Variants in ATRX observed in about 807,000 individuals in gnomAD.
ATRX encodes chromatin remodeler ATRX.
In ATRX, 12 loss-of-function variants were observed where a neutral mutation model predicts 172.6. That is an observed-to-expected ratio of 0.07 (90% confidence interval 0.04 to 0.11). The LOEUF (loss-of-function observed/expected upper bound fraction) is 0.11, where lower values mean the gene tolerates loss of function less well. Among genes scored for constraint, ATRX ranks in the 10% least tolerant of loss-of-function variants. The pLI is 1.00. For missense variants in ATRX, 1,368 were observed against 1,767.4 expected, an observed-to-expected ratio of 0.77 and a Z score of 4.05; for synonymous variants, 674 against 594.7, an observed-to-expected ratio of 1.13 and a Z score of -1.94.
rs372742045 is a variant in ATRX at position 77,520,773 on chromosome X, C to T, written c.7200+15G>A. On this transcript the variant is annotated intron_variant, in intron 34 of 34. Transcript: ENST00000373344. ...TAAACATAACCTAGAAATAGTCAGA[C>T]GTCAGAATTCTTACCATCTGTTGTT... The T allele has an allele frequency of 5.3e-5, 64 of 1,203,254 alleles. No homozygotes were observed. The South Asian group carries it at 9.7e-4, about 18-fold the overall frequency.
In ATRX at chrX:77,663,409, C is replaced by T. The variant is rs2148487416; in HGVS notation, c.4093G>A (p.Glu1365Lys). The change falls in exon 12 of 35, where the codon GAA (glutamate) becomes AAA (lysine). Residue 1365 changes from glutamate to lysine, a missense_variant. Glu to Lys is a moderately conservative substitution (Grantham distance 56). Coordinates refer to ENST00000373344, the MANE Select transcript of ATRX (RefSeq NM_000489.6). Reference protein sequence around the residue: ...EKKTKPKEHKEVKGRNRRKVS... With the variant: ...EKKTKPKEHKKVKGRNRRKVS... ...TTTCTTCTGTTTCTGCCTTTGACTT[C>T]TTTATGCTCTTTAGGCTTTGTCTTT... 8.3e-7 allele frequency: 1 copy of T among 1,211,454 alleles called. No homozygotes were observed. Among genetic ancestry groups the T allele is most frequent in the Non-Finnish European group, 1.1e-6 (1 of 895,378 alleles).
chrX:77,740,834 G>C (rs781894177), intron 1 of ATRX, among the ~76,000 whole-genome samples: 1 of 110,814 alleles, frequency 9.0e-6, no homozygotes, highest in East Asian at 2.8e-4. Context: ...AAAGAAACTA[G>C]GCCAGGCACA....
chrX:77,590,873 G>C (rs1037741536), intron 26 of ATRX, among the ~76,000 whole-genome samples: 29 of 111,880 alleles, frequency 2.6e-4, no homozygotes, highest in Non-Finnish European at 5.3e-4. Context: ...ATGACACAAA[G>C]TATCATTGTT....
rs191240054 is a variant in ATRX, at chrX:77,571,640, T to C, written c.6326+2610A>G. On this transcript the variant is annotated intron_variant, in intron 28 of 34. Transcript: ENST00000373344. ...TTTGTGGTGATGGAATATTTCTGTA[T>C]CTTGATTGTGTATATGTGGAAAAAA... Among the ~76,000 whole-genome samples, 5 of 111,585 alleles carry C rather than the reference T, an allele frequency of 4.5e-5. No individual in the cohort carries two copies. The East Asian group carries it at 1.4e-3, about 31-fold the overall frequency.
chrX:77,679,944 A>T (rs1213311088), intron 9 of ATRX, among the ~76,000 whole-genome samples: 1 of 112,100 alleles, frequency 8.9e-6, no homozygotes, highest in Non-Finnish European at 1.9e-5. Flanking sequence ...CTGTATTTTT[A>T]ATATAAGTCC....
rs782653776 is a variant in ATRX, at chrX:77,683,862, G to C, written c.1394C>G (p.Ser465Ter). Residue 465 changes from serine (S) to a stop codon, truncating the protein, a stop_gained, in exon 9 of 35, where the codon TCA becomes TGA. Coordinates refer to ENST00000373344, the MANE Select transcript of ATRX (RefSeq NM_000489.6). LOFTEE classifies it high-confidence loss of function. ...KDISKSEAKLSRKQVDSEHMH... is the reference protein window; with the variant it reads ...KDISKSEAKL ...GTGCTCACTATCTACCTGTTTTCTT[G>C]AAAGTTTAGCTTCTGACTTTGAAAT... is the stretch of plus-strand genomic sequence containing the variant. The C allele has an allele frequency of 8.3e-7, 1 of 1,208,213 alleles. No homozygotes were observed. Among genetic ancestry groups the C allele is most frequent in the Non-Finnish European group, 1.1e-6 (1 of 893,674 alleles).
chrX:77,723,309 A>C (rs182669934), intron 1 of ATRX, among the ~76,000 whole-genome samples: 64 of 111,633 alleles, frequency 5.7e-4, no homozygotes, highest in African/African-American at 1.9e-3. Flanking sequence ...TCAATGACCC[A>C]ACAATTCTAC....
Position 77,682,189 on chromosome X carries a change from C to G in ATRX, c.3067G>C (p.Glu1023Gln), listed in dbSNP as rs367700285. ...CCCTTAGGAAAATGACAAATTTCTTCTCGCTCAGGTAACTTTTCAGTGCCA... is the reference window on the plus strand; with the variant it reads ...CCCTTAGGAAAATGACAAATTTCTTGTCGCTCAGGTAACTTTTCAGTGCCA... Reference protein sequence around the residue: ...SDGTEKLPEREEICHFPKGIK... With the variant: ...SDGTEKLPERQEICHFPKGIK... Residue 1023 changes from glutamate to glutamine, a missense_variant, in exon 9 of 35, where the codon GAA (glutamate) becomes CAA (glutamine). This residue lies in a region of ATRX where 843 missense variants were observed against 643.1 expected (regional missense o/e 1.31). Transcript: ENST00000373344. 3.4e-5 allele frequency: 41 copies of G among 1,209,162 alleles called. No homozygotes were observed. The highest frequency in any genetic ancestry group is 4.4e-5 in the Non-Finnish European group (39 of 894,803).
At chrX:77,599,974 A>C (rs1002798018) in intron 23 of ATRX, among the ~76,000 whole-genome samples, 154 bp from the exon 24 acceptor site, 7 of 111,967 alleles carry the variant, frequency 6.3e-5, no homozygotes, top group African/African-American at 2.3e-4. Context: ...GACAGGACAG[A>C]TATGCTTACT....
chrX:77,554,897 C>T (rs1191834595), intron 30 of ATRX, among the ~76,000 whole-genome samples: 2 of 112,285 alleles, frequency 1.8e-5, no homozygotes, highest in Non-Finnish European at 3.8e-5. Context: ...TTTTTAGTTA[C>T]TGTGATAGAA....
chrX:77,732,587 A>G lies in ATRX; in HGVS notation c.21-15344T>C, dbSNP rs372665822. ...ATTAAAAAGATCATTCATCGTAACC[A>G]GGTGGAGTTTATCCCTTGGATGCAA... On this transcript the variant is annotated intron_variant, in intron 1 of 34. Transcript: ENST00000373344. Among the ~76,000 whole-genome samples the G allele has an allele frequency of 2.8e-4, 31 of 112,111 alleles. 2 individuals carry two copies. The highest frequency in any genetic ancestry group is 2.2e-3 in the Admixed American group (23 of 10,500).
chrX:77,697,952 C>T (rs2072278322), intron 3 of ATRX, among the ~76,000 whole-genome samples: 1 of 111,556 alleles, frequency 9.0e-6, no homozygotes, highest in African/African-American at 3.2e-5. Flanking sequence ...TGGCCCCAGT[C>T]AACAAAGACA....
At chrX:77,704,375 G>A (rs1443723784) in intron 2 of ATRX, among the ~76,000 whole-genome samples, 1 of 111,904 alleles carries the variant, frequency 8.9e-6, no homozygotes, top group East Asian at 2.8e-4. Context: ...ATGGGCCTCA[G>A]AGGGGAGGAT....
intron 1 of ATRX, among the ~76,000 whole-genome samples, chrX:77,764,160 G>A (rs184229573): frequency 5.0e-4 from 56 of 111,503 alleles, no homozygotes; most frequent in African/African-American, 1.6e-3. Context: ...ACCTAGCTCC[G>A]TATACTATAG....
chrX:77,537,973 G>A (rs995447046), intron 30 of ATRX, among the ~76,000 whole-genome samples: 2 of 111,132 alleles, frequency 1.8e-5, no homozygotes, highest in African/African-American at 6.6e-5. Context: ...TTATAAGTGG[G>A]AGCTGAATGA....
At chrX:77,703,521 G>A (rs1276379935) in intron 2 of ATRX, among the ~76,000 whole-genome samples, 3 of 112,338 alleles carry the variant, frequency 2.7e-5, no homozygotes, top group Non-Finnish European at 5.6e-5. Context: ...CCAGAAGTTT[G>A]GAGACACCAG....
chrX:77,616,528 G>T, intron 22 of ATRX, 85 bp downstream of exon 22: 1 of 1,163,746 alleles, frequency 8.6e-7, no homozygotes, highest in South Asian at 1.8e-5. Flanking sequence ...AAGAACAACA[G>T]ACATAGTAAG....
intron 30 of ATRX, among the ~76,000 whole-genome samples, chrX:77,551,235 C>A (rs1433236412): frequency 2.7e-4 from 30 of 111,832 alleles, no homozygotes; most frequent in African/African-American, 9.4e-4. Flanking sequence ...GCTATAGTAA[C>A]CAAAACAGCA....
At chrX:77,515,013 G>A (rs782334643) in intron 34 of ATRX, among the ~76,000 whole-genome samples, 1 of 112,082 alleles carries the variant, frequency 8.9e-6, no homozygotes, top group African/African-American at 3.2e-5. Context: ...AAAAAAAGCT[G>A]AACATCACTG....
Sources: allele counts gnomAD v4.1 joint callset (sites outside exome capture counted in the v4.1 genomes callset), GRCh38; gene constraint gnomAD v4.1.1; regional missense constraint gnomAD v4.1.1; transcripts MANE v1.5; gene names NCBI Gene and HGNC (gene_info 2026-07-23, HGNC 2026-07-21).